Variants in OR51A4 observed in about 807,000 individuals in gnomAD.
OR51A4 encodes olfactory receptor 51A4.
For missense variants in OR51A4, 243 were observed against 364.0 expected (o/e 0.67, Z 2.70); for synonymous variants, 96 against 141.5 (o/e 0.68, Z 2.28).
rs1295351983 is a variant in OR51A4, at chr11:4,947,601, CAA to C, written c.-121_-120del. On this transcript the variant is annotated 5_prime_UTR_variant, in exon 1 of 2. Transcript: ENST00000641898. ...ATAAAAGCTAAATAATTCTGATATA[CAA>C]ACCCAAGGTATTGTTGAACTTGTCC... The C allele has an allele frequency of 7.8e-6, 1 of 127,946 alleles. No homozygotes were observed. The highest frequency in any genetic ancestry group is 1.8e-5 in the Non-Finnish European group (1 of 56,958). 7.9% of individuals were successfully genotyped at this position (127,946 alleles called of 1,614,324 possible). A position where few individuals can be genotyped will look rare whatever the true frequency, so the allele number is the denominator to read the frequency against.
chr11:4,946,587 T>G lies in OR51A4; in HGVS notation c.514A>C (p.Lys172Gln), dbSNP rs533373608. The G allele has an allele frequency of 4.2e-5, 66 of 1,574,034 alleles. No homozygotes were observed. Among genetic ancestry groups the G allele is most frequent in the Admixed American group, 2.7e-4 (16 of 59,506 alleles). Reference sequence around the variant, plus strand: ...TAGGAATGGGATAATTGGTTTTTCTTGCAATATCTCAAGTTTCTTAAAGTG... The same window carrying G: ...TAGGAATGGGATAATTGGTTTTTCTGGCAATATCTCAAGTTTCTTAAAGTG... ...PFTLRNLRYCKKNQLSHSYCL... is the reference protein window; with the variant it reads ...PFTLRNLRYCQKNQLSHSYCL... The change falls in exon 2 of 2, where the codon AAG becomes CAG. Residue 172 changes from lysine to glutamine, a missense_variant. Physicochemically the swap from Lys to Gln is moderately conservative, Grantham distance 53 (BLOSUM62 1). Coordinates refer to ENST00000641898, the MANE Select transcript of OR51A4 (RefSeq NM_001005329.2).
At position 4,946,884 on chromosome 11, in the gene OR51A4, A is replaced by C. The variant is rs756376997; in HGVS notation, c.217T>G (p.Leu73Val). 1.2e-6 allele frequency: 2 copies of C among 1,606,536 alleles called. No homozygotes were observed. The highest frequency in any genetic ancestry group is 3.4e-5 in the Admixed American group (2 of 59,414). Residue 73 changes from leucine to valine, a missense_variant, in exon 2 of 2, where the codon TTG becomes GTG. Transcript: ENST00000641898. ...YFLSMLAMSD[L>V]GLSLSSLPTV... Reference sequence around the variant, plus strand: ...GGCAGAGATGATAAAGACAAACCCAAGTCTGACATAGCCAACATGGAAAGA... The same window carrying C: ...GGCAGAGATGATAAAGACAAACCCACGTCTGACATAGCCAACATGGAAAGA...
rs767439178 is a variant in OR51A4, at chr11:4,946,328, T to C, written c.773A>G (p.Asn258Ser). ...AVIIFYLPII[N>S]LAVVHRFARH... ...GGCAAAGCGGTGGACAACGGCCAGGTTGATGATGGGCAGGTAGAAGATGAT... is the reference window on the plus strand; with the variant it reads ...GGCAAAGCGGTGGACAACGGCCAGGCTGATGATGGGCAGGTAGAAGATGAT... Residue 258 changes from asparagine (N) to serine (S), a missense_variant, in exon 2 of 2, where the codon AAC (asparagine) becomes AGC (serine). Physicochemically the swap from Asn to Ser is conservative, Grantham distance 46. Transcript: ENST00000641898. 7 of 1,613,808 alleles carry C rather than the reference T, an allele frequency of 4.3e-6. No homozygotes were observed. The South Asian group carries it at 6.6e-5, about 15-fold the overall frequency.
At position 4,943,708 on chromosome 11, in the gene OR51A4, G is replaced by A. The variant is rs1482273994; in HGVS notation, c.*2451C>T. ...CTGCCAGTTGAGAACCACTGTTTAAGGAGCCCCAGAGTTGAGATTTTAATC... is the reference window on the plus strand; with the variant it reads ...CTGCCAGTTGAGAACCACTGTTTAAAGAGCCCCAGAGTTGAGATTTTAATC... On this transcript the variant is annotated 3_prime_UTR_variant, in exon 2 of 2. Transcript: ENST00000641898. The A allele has an allele frequency of 8.5e-6, 3 of 353,858 alleles. No individual in the cohort carries two copies. Among genetic ancestry groups the A allele is most frequent in the Admixed American group, 7.3e-5 (2 of 27,524 alleles). The allele number at this position is 353,858 out of a possible 1,614,324, so 21.9% of individuals were successfully genotyped here. A position where few individuals can be genotyped will look rare whatever the true frequency, so the allele number is the denominator to read the frequency against.
At position 4,944,529 on chromosome 11, in the gene OR51A4, T is replaced by G. The variant is rs1362794544; in HGVS notation, c.*1630A>C. 1 of 152,792 alleles carries G rather than the reference T, an allele frequency of 6.5e-6. No homozygotes were observed. The highest frequency in any genetic ancestry group is 1.5e-5 in the Non-Finnish European group (1 of 68,552). The allele number at this position is 152,792 out of a possible 1,614,324, so 9.5% of individuals were successfully genotyped here. ...ATTAATTGTGAAGTACGGTCAGTTG[T>G]GGGCTGATTATTATTTTTTAAGCAT... On this transcript the variant is annotated 3_prime_UTR_variant, in exon 2 of 2. Transcript: ENST00000641898.
rs2595995 is a variant in OR51A4 at position 4,942,963 on chromosome 11, C to T, written c.*3196G>A. The T allele has an allele frequency of 0.83, 126,888 of 152,154 alleles. 53,074 individuals carry two copies. Among genetic ancestry groups the T allele is most frequent in the Middle Eastern group, 0.91 (269 of 296 alleles). 9.4% of individuals were successfully genotyped at this position (152,154 alleles called of 1,614,324 possible). On this transcript the variant is annotated 3_prime_UTR_variant, in exon 2 of 2. Transcript: ENST00000641898. The stretch of plus-strand genomic sequence containing the variant: ...CATTGGCCCTAGTAAAACTAAGATG[C>T]TTAGGTTGTACAGACAAGTAGTTGT...
Position 4,946,219 on chromosome 11 carries a change from A to C in OR51A4, c.882T>G (p.Cys294Trp). The C allele has an allele frequency of 6.2e-7, 1 of 1,614,070 alleles. No individual in the cohort carries two copies. Among genetic ancestry groups the C allele is most frequent in the East Asian group, 2.2e-5 (1 of 44,876 alleles). Residue 294 changes from cysteine to tryptophan, a missense_variant, in exon 2 of 2, where the codon TGT (cysteine) becomes TGG (tryptophan). Transcript: ENST00000641898. ...TCACTCTAATCTGTTTAGTTTTTAC[A>C]CAATAAACAATTGGGTTCGTCAGTG... ...VPPLTNPIVY[C>W]VKTKQIRVRV...
rs140371147 is a variant in OR51A4 at position 4,946,734 on chromosome 11, C to G, written c.367G>C (p.Asp123His). The G allele has an allele frequency of 3.1e-4, 493 of 1,589,478 alleles. 39 individuals carry two copies. The African/African-American group carries it at 5.7e-3, about 18-fold the overall frequency. The change falls in exon 2 of 2, where the codon GAT becomes CAT. Residue 123 changes from aspartate to histidine, a missense_variant. Asp to His is a moderately conservative substitution (Grantham distance 81). Coordinates refer to ENST00000641898, the MANE Select transcript of OR51A4 (RefSeq NM_001005329.2). Reference sequence around the variant, plus strand: ...GGGTTGTGGATGGCTAGGAATCTATCAAATGACATGATCAGGAGGACTGAG... The same window carrying G: ...GGGTTGTGGATGGCTAGGAATCTATGAAATGACATGATCAGGAGGACTGAG... ...ESSVLLIMSF[D>H]RFLAIHNPLR...
Position 4,946,091 on chromosome 11 carries a change from A to G in OR51A4, c.*68T>C. On this transcript the variant is annotated 3_prime_UTR_variant, in exon 2 of 2. Coordinates refer to ENST00000641898, the MANE Select transcript of OR51A4 (RefSeq NM_001005329.2). ...GTGTTGATAATTCTTGGTGTCAAATATTAGGTTTCTCAAATTTACCTTAAA... is the reference window on the plus strand; with the variant it reads ...GTGTTGATAATTCTTGGTGTCAAATGTTAGGTTTCTCAAATTTACCTTAAA... 3 of 1,375,702 alleles carry G rather than the reference A, an allele frequency of 2.2e-6. No homozygotes were observed. Among genetic ancestry groups the G allele is most frequent in the Admixed American group, 3.6e-5 (2 of 55,634 alleles). The allele number at this position is 1,375,702 out of a possible 1,614,324, so 85.2% of individuals were successfully genotyped here. A position where few individuals can be genotyped will look rare whatever the true frequency, so the allele number is the denominator to read the frequency against.
At position 4,944,026 on chromosome 11, in the gene OR51A4, G is replaced by A. The variant is rs1049628433; in HGVS notation, c.*2133C>T. 1.4e-5 allele frequency: 6 copies of A among 427,674 alleles called. No homozygotes were observed. The highest frequency in any genetic ancestry group is 6.2e-5 in the African/African-American group (3 of 48,394). 26.5% of individuals were successfully genotyped at this position (427,674 alleles called of 1,614,324 possible). On this transcript the variant is annotated 3_prime_UTR_variant, in exon 2 of 2. Transcript: ENST00000641898. ...GCCTATCCGCACACTGGGAGAATAT[G>A]AGCTTCTATTTCTTTCAATTAATAA...
At chr11:4,947,393 T>C (rs1194575203) in intron 1 of OR51A4, among the ~76,000 whole-genome samples, 152 bp downstream of exon 1, 1 of 125,504 alleles carries the variant, frequency 8.0e-6, no homozygotes, top group Admixed American at 8.9e-5. Flanking sequence ...TTTCATTTTT[T>C]CCTGTAAAAT....
Position 4,943,860 on chromosome 11 carries a change from C to A in OR51A4, c.*2299G>T. The A allele has an allele frequency of 2.2e-6, 1 of 449,346 alleles. No individual in the cohort carries two copies. 27.8% of individuals were successfully genotyped at this position (449,346 alleles called of 1,614,324 possible). On this transcript the variant is annotated 3_prime_UTR_variant, in exon 2 of 2. Coordinates refer to ENST00000641898, the MANE Select transcript of OR51A4 (RefSeq NM_001005329.2). Reference sequence around the variant, plus strand: ...TTTCATTTCATTTTATTAAGACTGTCAAAAACCCCTAAAATACAGATGATC... The same window carrying A: ...TTTCATTTCATTTTATTAAGACTGTAAAAAACCCCTAAAATACAGATGATC...
chr11:4,946,620 A>AG lies in OR51A4; in HGVS notation c.480dup (p.Phe161LeufsTer33), dbSNP rs1443303142. 1 of 1,570,286 alleles carries AG rather than the reference A, an allele frequency of 6.4e-7. No individual in the cohort carries two copies. The highest frequency in any genetic ancestry group is 1.7e-5 in the Admixed American group (1 of 59,414). ...CTCAAGTTTCTTAAAGTGAAAGGGA[A>AG]GGGAAGAACCAGGAGCATGCTCTTA... On this transcript the variant is annotated frameshift_variant, in exon 2 of 2. Transcript: ENST00000641898. LOFTEE classifies it low-confidence loss of function (END_TRUNC).
chr11:4,946,432 G>T lies in OR51A4; in HGVS notation c.669C>A (p.Leu223=). 8 of 1,609,944 alleles carry T rather than the reference G, an allele frequency of 5.0e-6. No homozygotes were observed. Among genetic ancestry groups the T allele is most frequent in the Non-Finnish European group, 6.8e-6 (8 of 1,176,756 alleles). The change falls in exon 2 of 2, where the codon CTC becomes CTA. Residue 223 remains leucine (L), a synonymous_variant. Coordinates refer to ENST00000641898, the MANE Select transcript of OR51A4 (RefSeq NM_001005329.2). ...TGGATGCAATTCCCAGTACAGTCTTGAGGATCAGGGTGTAAGACACAGCAA... is the reference window on the plus strand; with the variant it reads ...TGGATGCAATTCCCAGTACAGTCTTTAGGATCAGGGTGTAAGACACAGCAA... The part of the protein sequence containing the change: ...ILIAVSYTLI[L]KTVLGIASKK...
Position 4,945,448 on chromosome 11 carries a change from T to C in OR51A4, c.*711A>G, listed in dbSNP as rs1393492297. Reference sequence around the variant, plus strand: ...CATGTAGGGTCTTAGAATATGTTCCTTATTGATTTAACTGTATTTCTAACA... The same window carrying C: ...CATGTAGGGTCTTAGAATATGTTCCCTATTGATTTAACTGTATTTCTAACA... On this transcript the variant is annotated 3_prime_UTR_variant, in exon 2 of 2. Coordinates refer to ENST00000641898, the MANE Select transcript of OR51A4 (RefSeq NM_001005329.2). 1 of 152,762 alleles carries C rather than the reference T, an allele frequency of 6.5e-6. No homozygotes were observed. The highest frequency in any genetic ancestry group is 1.5e-5 in the Non-Finnish European group (1 of 68,554). 9.5% of individuals were successfully genotyped at this position (152,762 alleles called of 1,614,324 possible).
rs773692308 is a variant in OR51A4, at chr11:4,946,941, C to T, written c.160G>A (p.Glu54Lys). Residue 54 changes from glutamate to lysine, a missense_variant, in exon 2 of 2, where the codon GAG (glutamate) becomes AAG (lysine). By Grantham distance (56) the Glu-to-Lys change is moderately conservative (BLOSUM62 1). Transcript: ENST00000641898. Reference sequence around the variant, plus strand: ...TACATGGGCTCATGCAAGGAGGGCTCTGTCTTGATGATAAAAAGAATGGTG... The same window carrying T: ...TACATGGGCTCATGCAAGGAGGGCTTTGTCTTGATGATAAAAAGAATGGTG... ...NGTILFIIKT[E>K]PSLHEPMYYF... The T allele has an allele frequency of 6.2e-7, 1 of 1,606,094 alleles. No individual in the cohort carries two copies. The highest frequency in any genetic ancestry group is 1.1e-5 in the South Asian group (1 of 90,836).
In OR51A4 at chr11:4,946,026, C is replaced by T. The variant is rs796513773; in HGVS notation, c.*133G>A. 8.5e-6 allele frequency: 7 copies of T among 821,300 alleles called. No individual in the cohort carries two copies. Among genetic ancestry groups the T allele is most frequent in the Non-Finnish European group, 1.4e-5 (7 of 513,382 alleles). 50.9% of individuals were successfully genotyped at this position (821,300 alleles called of 1,614,324 possible). On this transcript the variant is annotated 3_prime_UTR_variant, in exon 2 of 2. Transcript: ENST00000641898. ...TAGTTCTATTCTCATTCGCAGTATCCAGAGTGAATAAAATAACTCTATGAC... is the reference window on the plus strand; with the variant it reads ...TAGTTCTATTCTCATTCGCAGTATCTAGAGTGAATAAAATAACTCTATGAC...
chr11:4,943,806 C>T lies in OR51A4; in HGVS notation c.*2353G>A, dbSNP rs181702775. The T allele has an allele frequency of 1.2e-5, 5 of 431,246 alleles. No individual in the cohort carries two copies. The highest frequency in any genetic ancestry group is 5.3e-5 in the Admixed American group (2 of 37,602). 26.7% of individuals were successfully genotyped at this position (431,246 alleles called of 1,614,324 possible). ...GCTGACCATAAATCTTCACCTCCCC[C>T]ATTGAGATTTATGTATCTTTATTTT... On this transcript the variant is annotated 3_prime_UTR_variant, in exon 2 of 2. Coordinates refer to ENST00000641898, the MANE Select transcript of OR51A4 (RefSeq NM_001005329.2).
Position 4,947,408 on chromosome 11 carries a change from G to A in OR51A4, c.-63+137C>T, listed in dbSNP as rs556093404. On this transcript the variant is annotated intron_variant, in intron 1 of 1. Transcript: ENST00000641898. Reference sequence around the variant, plus strand: ...TTTCATTTTTTCCTGTAAAATATTAGTAAACGCTGGTCAATTAACTGGAAT... The same window carrying A: ...TTTCATTTTTTCCTGTAAAATATTAATAAACGCTGGTCAATTAACTGGAAT... The A allele has an allele frequency of 6.6e-5, 15 of 225,640 alleles. 2 individuals carry two copies. In the East Asian group the frequency reaches 1.2e-3, roughly 18 times the overall value. 14.0% of individuals were successfully genotyped at this position (225,640 alleles called of 1,614,324 possible).
Sources: gnomAD v4.1 joint callset for allele counts (sites outside exome capture counted in the v4.1 genomes callset) on GRCh38, gnomAD v4.1.1 for gene constraint, MANE v1.5 for transcripts, NCBI Gene and HGNC (gene_info 2026-07-23, HGNC 2026-07-21) for gene names.